Variants in GRAMD2A observed in about 807,000 individuals in gnomAD.
The protein encoded by GRAMD2A is GRAM domain containing 2A.
In GRAMD2A, 37 loss-of-function variants were observed where a neutral mutation model predicts 51.1. The observed-to-expected ratio is 0.72, with a 90% CI of 0.56 to 0.95. The LOEUF is 0.95. Among genes scored for constraint, GRAMD2A ranks in the 40% least tolerant of loss-of-function variants. The probability of loss-of-function intolerance (pLI) is 0.00; values close to 1 mark genes in which losing one functional copy is unlikely to be tolerated. For synonymous variants in GRAMD2A, 136 were observed against 157.1 expected (o/e 0.87, Z 1.01); for missense variants, 414 against 426.9 (o/e 0.97, Z 0.27).
intron 1 of GRAMD2A, among the ~76,000 whole-genome samples, chr15:72,193,497 C>G (rs905809895): frequency 6.8e-6 from 1 of 147,774 alleles, no homozygotes; most frequent in Non-Finnish European, 1.5e-5. Flanking sequence ...GGATTACAGG[C>G]GTGAGCCACC....
intron 1 of GRAMD2A, among the ~76,000 whole-genome samples, chr15:72,190,240 G>A (rs980612401): frequency 3.9e-5 from 6 of 152,150 alleles, no homozygotes; most frequent in Admixed American, 3.3e-4. Context: ...ATAGCCGGGC[G>A]TGGTGGCAGG....
intron 1 of GRAMD2A, among the ~76,000 whole-genome samples, chr15:72,185,466 T>A (rs781166514): frequency 6.6e-6 from 1 of 152,230 alleles, no homozygotes; most frequent in Non-Finnish European, 1.5e-5. Flanking sequence ...AGTGCTGGGA[T>A]TACAGGCATA....
chr15:72,175,181 A>G (rs76328164), intron 1 of GRAMD2A, among the ~76,000 whole-genome samples: 2 of 152,066 alleles, frequency 1.3e-5, no homozygotes, highest in African/African-American at 4.8e-5. Flanking sequence ...GTCCCCCCCA[A>G]GATAACCCAT....
chr15:72,175,541 G>A (rs958178026), intron 1 of GRAMD2A, among the ~76,000 whole-genome samples: 11 of 152,156 alleles, frequency 7.2e-5, no homozygotes, highest in Non-Finnish European at 1.3e-4. Flanking sequence ...CTGCATACCT[G>A]CTTACCCTTC....
At position 72,163,693 on chromosome 15, in the gene GRAMD2A, G is replaced by T; in HGVS notation, c.665C>A (p.Pro222Gln). 1 of 1,609,050 alleles carries T rather than the reference G, an allele frequency of 6.2e-7. No homozygotes were observed. The highest frequency in any genetic ancestry group is 1.1e-5 in the South Asian group (1 of 89,934). Residue 222 changes from proline to glutamine, a missense_variant, in exon 9 of 12, where the codon CCA (proline) becomes CAA (glutamine). By Grantham distance (76) the Pro-to-Gln change is moderately conservative. Transcript: ENST00000309731. The part of the protein sequence containing the change: ...VCPSSRSLSL[P>Q]DNIPCIPPSS... ...TGGAGGGATACAAGGGATGTTGTCT[G>T]GGAGAGACAGGGACCTGGAGGAAGG...
intron 7 of GRAMD2A, among the ~76,000 whole-genome samples, chr15:72,165,753 G>A (rs1204890358): frequency 6.6e-6 from 1 of 152,196 alleles, no homozygotes; most frequent in Non-Finnish European, 1.5e-5. Flanking sequence ...CCTGACCTAC[G>A]ATGGTTCCAC....
At position 72,161,789 on chromosome 15, in the gene GRAMD2A, G is replaced by C. The variant is rs1473290365; in HGVS notation, c.*220C>G. 2 of 552,638 alleles carry C rather than the reference G, an allele frequency of 3.6e-6. No individual in the cohort carries two copies. Among genetic ancestry groups the C allele is most frequent in the African/African-American group, 3.8e-5 (2 of 52,676 alleles). The allele number at this position is 552,638 out of a possible 1,614,324, so 34.2% of individuals were successfully genotyped here. The stretch of plus-strand genomic sequence containing the variant: ...TTCCAAAAAATCTGGCTTTTTGCTT[G>C]AGTCCAAAAATTGTAGAAGCCAGTT... On this transcript the variant is annotated 3_prime_UTR_variant, in exon 12 of 12. Transcript: ENST00000309731.
chr15:72,162,145 C>A, intron 11 of GRAMD2A, 128 bp downstream of exon 11: 1 of 1,368,696 alleles, frequency 7.3e-7, no homozygotes, highest in Non-Finnish European at 1.0e-6. Context: ...GCACGCTGCC[C>A]AACCTTGCTT....
At chr15:72,185,289 G>A in intron 1 of GRAMD2A, among the ~76,000 whole-genome samples, 1 of 151,626 alleles carries the variant, frequency 6.6e-6, no homozygotes, top group Middle Eastern at 3.2e-3. Context: ...TACCTCCCAG[G>A]TTCAAGCAAT....
At position 72,165,869 on chromosome 15, in the gene GRAMD2A, T is replaced by G. The variant is rs186268234; in HGVS notation, c.544-459A>C. On this transcript the variant is annotated intron_variant, in intron 7 of 11. Coordinates refer to ENST00000309731, the MANE Select transcript of GRAMD2A (RefSeq NM_001012642.3). ...TCCGGTTTTCGTTTTTTGTTTTTTG[T>G]TTTTTTTTGTTTTTTTGAGATGGAG... Among the ~76,000 whole-genome samples the G allele has an allele frequency of 4.6e-3, 694 of 150,566 alleles. 4 individuals carry two copies. The highest frequency in any genetic ancestry group is 0.01 in the Middle Eastern group (3 of 292).
At chr15:72,192,631 G>A (rs764301072) in intron 1 of GRAMD2A, among the ~76,000 whole-genome samples, 4 of 152,154 alleles carry the variant, frequency 2.6e-5, no homozygotes, top group Non-Finnish European at 5.9e-5. Flanking sequence ...GCAGGATCTC[G>A]ACAATTAACT....
At position 72,197,782 on chromosome 15, in the gene GRAMD2A, G is replaced by A. The variant is rs1460360097; in HGVS notation, c.-11C>T. 25 of 1,275,140 alleles carry A rather than the reference G, an allele frequency of 2.0e-5. No individual in the cohort carries two copies. The highest frequency in any genetic ancestry group is 3.3e-5 in the Admixed American group (1 of 30,050). The allele number at this position is 1,275,140 out of a possible 1,614,324, so 79.0% of individuals were successfully genotyped here. Reference sequence around the variant, plus strand: ...GCTTAAAGCGGTCATCCCGGCGCCTGCACCCAGCGCCCCGACCGCGCGCCG... The same window carrying A: ...GCTTAAAGCGGTCATCCCGGCGCCTACACCCAGCGCCCCGACCGCGCGCCG... On this transcript the variant is annotated 5_prime_UTR_variant, in exon 1 of 12. Coordinates refer to ENST00000309731, the MANE Select transcript of GRAMD2A (RefSeq NM_001012642.3).
At chr15:72,173,773 A>G (rs535048551) in intron 1 of GRAMD2A, 3 of 151,906 alleles carry the variant, frequency 2.0e-5, no homozygotes, top group African/African-American at 2.4e-5. Context: ...TACTAAAAAT[A>G]TATAAATTAG....
At chr15:72,171,728 T>A (rs1434775523) in intron 1 of GRAMD2A, among the ~76,000 whole-genome samples, 1 of 152,258 alleles carries the variant, frequency 6.6e-6, no homozygotes, top group Admixed American at 6.5e-5. Flanking sequence ...CAAATAATTA[T>A]TAACCACTGG....
chr15:72,172,510 A>G (rs1251692807), intron 1 of GRAMD2A, among the ~76,000 whole-genome samples: 1 of 143,818 alleles, frequency 7.0e-6, no homozygotes, highest in Non-Finnish European at 1.5e-5. Context: ...TCCGCCTCCC[A>G]GGTTCAAGTG....
chr15:72,179,821 C>T (rs890166161), intron 1 of GRAMD2A, among the ~76,000 whole-genome samples: 2 of 152,158 alleles, frequency 1.3e-5, no homozygotes, highest in Admixed American at 6.5e-5. Context: ...GGGGCATCTA[C>T]CCACGGCAAG....
intron 1 of GRAMD2A, among the ~76,000 whole-genome samples, chr15:72,187,952 A>C (rs530636310): frequency 1.3e-5 from 2 of 152,334 alleles, no homozygotes; most frequent in East Asian, 3.9e-4. Flanking sequence ...AAGGTACATA[A>C]ATTTTATGTG....
At chr15:72,197,543 G>C (rs1461662389) in intron 1 of GRAMD2A, among the ~76,000 whole-genome samples, 188 bp downstream of exon 1, 2 of 152,040 alleles carry the variant, frequency 1.3e-5, no homozygotes, top group Non-Finnish European at 2.9e-5. Flanking sequence ...CGGGCCCCGG[G>C]AGACGCCTGG....
intron 1 of GRAMD2A, 60 bp from the exon 2 acceptor site, chr15:72,169,999 GC>G: frequency 8.1e-7 from 1 of 1,228,264 alleles, no homozygotes; most frequent in Non-Finnish European, 1.2e-6. Context: ...TTCCCTAACA[GC>G]CCCACCATGC....
Sources: allele counts gnomAD v4.1 joint callset (sites outside exome capture counted in the v4.1 genomes callset), GRCh38; gene constraint gnomAD v4.1.1; transcripts MANE v1.5; gene names NCBI Gene and HGNC (gene_info 2026-07-23, HGNC 2026-07-21).